Variants in PDE3B observed in about 807,000 individuals in gnomAD.
PDE3B encodes phosphodiesterase 3B.
PDE3B carries 66 observed loss-of-function variants against 116.8 expected under a neutral mutation model. The ratio of observed to expected loss-of-function variants is 0.56; its 90% CI spans 0.46 to 0.69. The LOEUF is 0.69. Among genes scored for constraint, PDE3B ranks in the 30% least tolerant of loss-of-function variants. The pLI, the probability that PDE3B is intolerant of heterozygous loss-of-function variation, is 0.00. For synonymous variants in PDE3B, 595 were observed against 533.6 expected, an observed-to-expected ratio of 1.12 and a Z score of -1.59; for missense variants, 1,384 against 1,368.1, an observed-to-expected ratio of 1.01 and a Z score of -0.18.
chr11:14,644,538 C>A lies in PDE3B; in HGVS notation c.463C>A (p.Leu155Met), dbSNP rs1853318577. 1 of 1,603,744 alleles carries A rather than the reference C, an allele frequency of 6.2e-7. No homozygotes were observed. The highest frequency in any genetic ancestry group is 1.3e-5 in the African/African-American group (1 of 74,740). The change falls in exon 1 of 16, where the codon CTG becomes ATG. Residue 155 changes from leucine to methionine, a missense_variant. Leu to Met is a conservative substitution (Grantham distance 15). Transcript: ENST00000282096. ...CCGGAGCTGCGGCTCCTGGTGGCTG[C>A]TGGCGCTGCCCGCCTGCTGTTACCT... ...PGRSCGSWWL[L>M]ALPACCYLGD...
At chr11:14,725,255 C>T (rs184590482) in intron 1 of PDE3B, among the ~76,000 whole-genome samples, 6 of 151,508 alleles carry the variant, frequency 4.0e-5, no homozygotes, top group East Asian at 1.9e-4. Flanking sequence ...TTCTTTCTTT[C>T]GTTCTTTCTT....
chr11:14,762,147 T>C (rs973494809), intron 1 of PDE3B, among the ~76,000 whole-genome samples: 2 of 151,012 alleles, frequency 1.3e-5, no homozygotes, highest in East Asian at 3.9e-4. Flanking sequence ...TCTCTACGGA[T>C]TTTATACTTT....
intron 1 of PDE3B, among the ~76,000 whole-genome samples, chr11:14,655,398 T>C (rs1392921241): frequency 6.6e-6 from 1 of 152,200 alleles, no homozygotes; most frequent in African/African-American, 2.4e-5. Context: ...AAAGCATTCC[T>C]TTTGTATATT....
At chr11:14,876,387 G>A (rs1848189679), downstream of PDE3B, among the ~76,000 whole-genome samples, 2 of 152,068 alleles carry the variant, frequency 1.3e-5, no homozygotes, top group Non-Finnish European at 2.9e-5. Flanking sequence ...AAGGTAGGTT[G>A]GAAAGTTGCT....
At chr11:14,782,653 A>C (rs1425821554) in intron 2 of PDE3B, among the ~76,000 whole-genome samples, 1 of 152,228 alleles carries the variant, frequency 6.6e-6, no homozygotes, top group East Asian at 1.9e-4. Flanking sequence ...AAACCGTAAA[A>C]ACCCTAGAAG....
chr11:14,770,276 T>G (rs1857602721), intron 1 of PDE3B, among the ~76,000 whole-genome samples: 1 of 151,426 alleles, frequency 6.6e-6, no homozygotes, highest in Non-Finnish European at 1.5e-5. Flanking sequence ...AAACATCAGA[T>G]TTATAGATGT....
chr11:14,749,470 T>C (rs993915572), intron 1 of PDE3B, among the ~76,000 whole-genome samples: 2 of 152,084 alleles, frequency 1.3e-5, no homozygotes, highest in African/African-American at 4.8e-5. Context: ...TCAGCTTCCT[T>C]GTCTTTCTTT....
chr11:14,648,266 T>G (rs558510541), intron 1 of PDE3B, among the ~76,000 whole-genome samples: 7 of 152,258 alleles, frequency 4.6e-5, no homozygotes, highest in African/African-American at 1.4e-4. Flanking sequence ...CCTTTAGTGC[T>G]AAGTGCTTTC....
intron 1 of PDE3B, among the ~76,000 whole-genome samples, chr11:14,760,282 T>G (rs1237694752): frequency 6.6e-6 from 1 of 152,224 alleles, no homozygotes; most frequent in Admixed American, 6.5e-5. Context: ...TCATAGATTC[T>G]ATAACCAAAA....
chr11:14,829,130 A>G (rs950566574), intron 7 of PDE3B, among the ~76,000 whole-genome samples: 1 of 152,136 alleles, frequency 6.6e-6, no homozygotes, highest in Admixed American at 6.5e-5. Flanking sequence ...ATAGAGGGGA[A>G]CAACACACAC....
At chr11:14,781,853 G>T (rs1344098009) in intron 2 of PDE3B, among the ~76,000 whole-genome samples, 1 of 152,136 alleles carries the variant, frequency 6.6e-6, no homozygotes, top group Non-Finnish European at 1.5e-5. Flanking sequence ...ATTCAGTTAG[G>T]AAAAGAGGAA....
intron 5 of PDE3B, among the ~76,000 whole-genome samples, chr11:14,815,425 C>T (rs1021897515): frequency 5.3e-5 from 8 of 152,058 alleles, no homozygotes; most frequent in African/African-American, 1.4e-4. Context: ...TTCAGGTTGT[C>T]CTCAGGTTGT....
intron 1 of PDE3B, among the ~76,000 whole-genome samples, chr11:14,745,431 A>AT (rs996812522): frequency 1.2e-4 from 18 of 150,606 alleles, no homozygotes; most frequent in South Asian, 2.1e-4. Flanking sequence ...CTAATATGGC[A>AT]TTTTTTTTTA....
At chr11:14,792,062 A>G (rs11602976) in intron 4 of PDE3B, among the ~76,000 whole-genome samples, 17,795 of 152,002 alleles carry the variant, frequency 0.12, 1,377 homozygotes, top group African/African-American at 0.23. Context: ...GACTATGTAT[A>G]GTTTGTCTAG....
At chr11:14,883,458 T>G in the PDE3B span, among the ~76,000 whole-genome samples, 3 of 152,076 alleles carry the variant, frequency 2.0e-5, no homozygotes, top group African/African-American at 7.2e-5. Context: ...TAATAAATGG[T>G]GCTGGGAAAA....
chr11:14,819,106 C>A (rs765240138), intron 6 of PDE3B, 30 bp from the exon 7 acceptor site: 3 of 1,334,302 alleles, frequency 2.2e-6, no homozygotes, highest in East Asian at 4.6e-5. Context: ...CCTCATTTAC[C>A]GTATATATTT....
intron 12 of PDE3B, among the ~76,000 whole-genome samples, chr11:14,856,182 C>G (rs1478642079): frequency 1.3e-5 from 2 of 152,172 alleles, no homozygotes; most frequent in Non-Finnish European, 2.9e-5. Context: ...TGCTCTCTCT[C>G]CCTCTCCTGC....
intron 4 of PDE3B, among the ~76,000 whole-genome samples, chr11:14,799,332 G>A (rs1379017012): frequency 2.0e-5 from 3 of 152,156 alleles, no homozygotes; most frequent in Non-Finnish European, 4.4e-5. Flanking sequence ...TGCCTTTGCT[G>A]AGGAGTGTTT....
At position 14,778,999 on chromosome 11, in the gene PDE3B, C is replaced by G. The variant is rs570174606; in HGVS notation, c.1029+7012C>G. Among the ~76,000 whole-genome samples, 3 of 152,172 alleles carry G rather than the reference C, an allele frequency of 2.0e-5. No individual in the cohort carries two copies. The South Asian group carries it at 6.2e-4, about 32-fold the overall frequency. On this transcript the variant is annotated intron_variant, in intron 2 of 15. Transcript: ENST00000282096. Reference sequence around the variant, plus strand: ...TTAAATGACCTGTTGGAGCTGAACACCATGGCATGAGAACTGCGTGACACA... The same window carrying G: ...TTAAATGACCTGTTGGAGCTGAACAGCATGGCATGAGAACTGCGTGACACA...
Sources: gnomAD v4.1 joint callset for allele counts (sites outside exome capture counted in the v4.1 genomes callset) on GRCh38, gnomAD v4.1.1 for gene constraint, MANE v1.5 for transcripts, NCBI Gene and HGNC (gene_info 2026-07-23, HGNC 2026-07-21) for gene names.